LMO7: variants seen among roughly 807,000 people sequenced by gnomAD.
LMO7 encodes LIM domain 7, also known as LIM domain only protein 7.
Under a neutral mutation model 206.5 loss-of-function variants are expected in LMO7, and 120 were observed. The ratio of observed to expected loss-of-function variants is 0.58; its 90% confidence interval spans 0.50 to 0.68. The LOEUF (loss-of-function observed/expected upper bound fraction) is 0.68. Among genes scored for constraint, LMO7 ranks in the 30% least tolerant of loss-of-function variants. The pLI is 0.00. For synonymous variants in LMO7, 706 were observed against 681.5 expected, an observed-to-expected ratio of 1.04 and a Z score of -0.56; for missense variants, 1,959 against 1,957.9, an observed-to-expected ratio of 1.00 and a Z score of -0.01.
At chr13:75,725,540 G>A (rs1408293644) in intron 2 of LMO7, among the ~76,000 whole-genome samples, 1 of 151,984 alleles carries the variant, frequency 6.6e-6, no homozygotes, top group Non-Finnish European at 1.5e-5. Flanking sequence ...CTTGTTAATA[G>A]GGAACAACTA....
intron 1 of LMO7, among the ~76,000 whole-genome samples, chr13:75,695,752 C>T (rs1000329952): frequency 1.3e-5 from 2 of 152,210 alleles, no homozygotes; most frequent in Non-Finnish European, 2.9e-5. Flanking sequence ...AAGTCTCAAT[C>T]TATTTTAATG....
intron 1 of LMO7, among the ~76,000 whole-genome samples, chr13:75,663,917 G>A (rs2038868513): frequency 6.6e-6 from 1 of 152,008 alleles, no homozygotes; most frequent in South Asian, 2.1e-4. Context: ...GACATGTAAT[G>A]TGTAATAATC....
At chr13:75,774,959 A>G (rs927080942) in intron 4 of LMO7, among the ~76,000 whole-genome samples, 3 of 152,150 alleles carry the variant, frequency 2.0e-5, no homozygotes, top group Admixed American at 2.0e-4. Context: ...ATAAAAAATA[A>G]TGCGAGGTGA....
intron 1 of LMO7, among the ~76,000 whole-genome samples, chr13:75,706,263 C>T (rs1364649383): frequency 2.0e-5 from 3 of 152,150 alleles, no homozygotes; most frequent in Non-Finnish European, 2.9e-5. Flanking sequence ...CATGTTGTGA[C>T]CTTAAGGTAA....
At chr13:75,699,606 G>A (rs143870909) in intron 1 of LMO7, among the ~76,000 whole-genome samples, 6 of 142,176 alleles carry the variant, frequency 4.2e-5, no homozygotes, top group African/African-American at 7.3e-5. Context: ...TTTATTAGGG[G>A]TTTCAAAAGG....
intron 2 of LMO7, among the ~76,000 whole-genome samples, chr13:75,717,688 G>T (rs1406454368): frequency 6.6e-6 from 1 of 152,122 alleles, no homozygotes; most frequent in Non-Finnish European, 1.5e-5. Context: ...TGTCATTCCT[G>T]CCAAGAGAGC....
intron 13 of LMO7, among the ~76,000 whole-genome samples, 166 bp from the exon 14 acceptor site, chr13:75,821,011 A>G (rs1004517740): frequency 1.3e-5 from 2 of 152,138 alleles, no homozygotes; most frequent in Middle Eastern, 3.2e-3. Flanking sequence ...AAAAAAAAAA[A>G]AAAGATAATT....
chr13:75,692,893 A>G (rs1312002868), intron 1 of LMO7, among the ~76,000 whole-genome samples: 1 of 152,222 alleles, frequency 6.6e-6, no homozygotes, highest in East Asian at 1.9e-4. Context: ...GGAGGGTAAA[A>G]GAAGGCTTTT....
At chr13:75,649,264 G>A (rs1188574762) in intron 1 of LMO7, among the ~76,000 whole-genome samples, 1 of 152,206 alleles carries the variant, frequency 6.6e-6, no homozygotes, top group Non-Finnish European at 1.5e-5. Flanking sequence ...GGAGGGGAAT[G>A]ACCATATTGC....
At chr13:75,767,854 A>G (rs980337369) in intron 4 of LMO7, among the ~76,000 whole-genome samples, 14 of 152,080 alleles carry the variant, frequency 9.2e-5, no homozygotes, top group Non-Finnish European at 1.5e-5. Context: ...CCTTAGACAG[A>G]TTACTTTTCC....
intron 11 of LMO7, among the ~76,000 whole-genome samples, chr13:75,814,933 G>GT (rs1424596106): frequency 1.3e-5 from 2 of 152,180 alleles, no homozygotes; most frequent in East Asian, 3.8e-4. Context: ...AGCAGAGGGA[G>GT]TGGGGGCATG....
intron 15 of LMO7, among the ~76,000 whole-genome samples, chr13:75,824,912 T>C (rs891506944): frequency 1.3e-5 from 2 of 152,176 alleles, no homozygotes; most frequent in Non-Finnish European, 2.9e-5. Flanking sequence ...TTTATTATTA[T>C]TGAGTTTTTA....
rs1433983983 is a variant in LMO7 at position 75,840,406 on chromosome 13, A to G, written c.3493A>G (p.Ile1165Val). 1 of 1,614,056 alleles carries G rather than the reference A, an allele frequency of 6.2e-7. No homozygotes were observed. Among genetic ancestry groups the G allele is most frequent in the Non-Finnish European group, 8.5e-7 (1 of 1,179,980 alleles). ...SVVPDLPVPT[I>V]SAPSRWVWDQ... ...AACTGGTTAGCTTCCAGTTCCAACCATCAGTGCCCCGAGTCGCTGGGTGTG... is the reference window on the plus strand; with the variant it reads ...AACTGGTTAGCTTCCAGTTCCAACCGTCAGTGCCCCGAGTCGCTGGGTGTG... The change falls in exon 22 of 31, where the codon ATC becomes GTC. Residue 1165 changes from isoleucine (I) to valine (V), a missense_variant. Coordinates refer to ENST00000377534, the MANE Select transcript of LMO7 (RefSeq NM_001306080.2).
chr13:75,814,579 A>G (rs1014525214), intron 11 of LMO7, among the ~76,000 whole-genome samples: 2 of 152,214 alleles, frequency 1.3e-5, no homozygotes, highest in Non-Finnish European at 2.9e-5. Flanking sequence ...TCGGGCACCT[A>G]CTGCAGGCTG....
chr13:75,687,195 T>C (rs1467140624), intron 1 of LMO7, among the ~76,000 whole-genome samples: 5 of 152,212 alleles, frequency 3.3e-5, no homozygotes, highest in African/African-American at 9.6e-5. Flanking sequence ...TTCTATAAAG[T>C]GACCACTGAT....
At chr13:75,832,245 A>C (rs949520793) in intron 15 of LMO7, among the ~76,000 whole-genome samples, 1 of 152,210 alleles carries the variant, frequency 6.6e-6, no homozygotes, top group African/African-American at 2.4e-5. Flanking sequence ...TTGGTTTAGA[A>C]AATAACTTAA....
At position 75,805,738 on chromosome 13, in the gene LMO7, T is replaced by C; in HGVS notation, c.1174T>C (p.Tyr392His). 6.2e-7 allele frequency: 1 copy of C among 1,613,782 alleles called. No homozygotes were observed. Among genetic ancestry groups the C allele is most frequent in the Non-Finnish European group, 8.5e-7 (1 of 1,179,772 alleles). ...RIKRETYKPWYKEFQGFSQFL... is the reference protein window; with the variant it reads ...RIKRETYKPWHKEFQGFSQFL... Reference sequence around the variant, plus strand: ...AAAAAGGGAAACTTATAAGCCATGGTATAAAGAATTTCAGGGATTCAGGTT... The same window carrying C: ...AAAAAGGGAAACTTATAAGCCATGGCATAAAGAATTTCAGGGATTCAGGTT... Residue 392 changes from tyrosine to histidine, a missense_variant, in exon 9 of 31, where the codon TAT becomes CAT. By Grantham distance (83) the Tyr-to-His change is moderately conservative. Transcript: ENST00000377534.
rs560551567 is a variant in LMO7 at position 75,823,501 on chromosome 13, A to G, written c.2641-64A>G. On this transcript the variant is annotated intron_variant, in intron 14 of 30. Coordinates refer to ENST00000377534, the MANE Select transcript of LMO7 (RefSeq NM_001306080.2). ...GTTTTAAAATATTAATTTAATAAAC[A>G]ACTTTTAAAAACAGAAATAAAGGTA... 47 of 1,242,710 alleles carry G rather than the reference A, an allele frequency of 3.8e-5. 2 individuals carry two copies. The South Asian group carries it at 6.2e-4, about 16-fold the overall frequency. 77.0% of individuals were successfully genotyped at this position (1,242,710 alleles called of 1,614,324 possible).
chr13:75,818,570 T>C (rs2057281591), intron 12 of LMO7, among the ~76,000 whole-genome samples: 1 of 152,026 alleles, frequency 6.6e-6, no homozygotes, highest in African/African-American at 2.4e-5. Context: ...CTGAATTAGG[T>C]TGATTGTCCC....
Sources: allele counts gnomAD v4.1 joint callset (sites outside exome capture counted in the v4.1 genomes callset), GRCh38; gene constraint gnomAD v4.1.1; transcripts MANE v1.5; gene names NCBI Gene and HGNC (gene_info 2026-07-23, HGNC 2026-07-21).